MTFR1: variants seen among roughly 807,000 people sequenced by gnomAD.
MTFR1 encodes chondrocyte protein with a poly-proline region.
MTFR1 carries 28 observed loss-of-function variants against 38.8 expected under a neutral mutation model. The observed-to-expected ratio is 0.72, with a 90% CI of 0.53 to 0.99. The LOEUF is 0.99. Ranked by LOEUF, MTFR1 falls within the 50% of genes least tolerant of loss-of-function variation. MTFR1 has a pLI of 0.00. For synonymous variants in MTFR1, 145 were observed against 137.0 expected (o/e 1.06, Z -0.41); for missense variants, 358 against 395.5 (o/e 0.91, Z 0.81).
Position 65,669,886 on chromosome 8 carries a change from C to A in MTFR1, c.-67C>A. ...TTAAATTTTCAGTGTGTTTTATGGA[C>A]CATGTGCTGCTATGTATGCCTGAAG... On this transcript the variant is annotated 5_prime_UTR_variant, in exon 2 of 8. Transcript: ENST00000262146. 1 of 1,216,130 alleles carries A rather than the reference C, an allele frequency of 8.2e-7. No homozygotes were observed. Among genetic ancestry groups the A allele is most frequent in the South Asian group, 1.3e-5 (1 of 76,608 alleles). 75.3% of individuals were successfully genotyped at this position (1,216,130 alleles called of 1,614,324 possible).
At position 65,651,981 on chromosome 8, in the gene MTFR1, C is replaced by G. The variant is rs370382583; in HGVS notation, c.-81+7197C>G. Among the ~76,000 whole-genome samples the G allele has an allele frequency of 9.5e-5, 14 of 146,816 alleles. No individual in the cohort carries two copies. The South Asian group carries it at 2.8e-3, about 29-fold the overall frequency. On this transcript the variant is annotated intron_variant, in intron 1 of 7. Transcript: ENST00000262146. ...CCCTTTAATTTTTTTTTTTTTCAGA[C>G]AAGGTTTTGCTCTATCATCCAGGCC...
At chr8:65,671,200 G>A (rs896806701) in intron 2 of MTFR1, among the ~76,000 whole-genome samples, 1 of 152,016 alleles carries the variant, frequency 6.6e-6, no homozygotes. Flanking sequence ...AAATTTATTG[G>A]TATTTTCATA....
At chr8:65,713,098 C>T (rs1805997728), downstream of MTFR1, among the ~76,000 whole-genome samples, 1 of 152,216 alleles carries the variant, frequency 6.6e-6, no homozygotes, top group African/African-American at 2.4e-5. Context: ...AAACCAATTA[C>T]ATCACTGTGC....
intron 2 of MTFR1, 78 bp downstream of exon 2, chr8:65,670,096 C>A: frequency 2.5e-6 from 3 of 1,194,796 alleles, no homozygotes; most frequent in South Asian, 2.8e-5. Context: ...TGAAATAAAT[C>A]TATATATGAC....
Position 65,704,901 on chromosome 8 carries a change from C to A in MTFR1, c.489C>A (p.Thr163=). ...ALRAQIAKIV[T]QQEQQNLTAG... Reference sequence around the variant, plus strand: ...GAGCTCAGATTGCCAAAATTGTGACCCAGCAGGAGCAGCAAAATCTCACTG... The same window carrying A: ...GAGCTCAGATTGCCAAAATTGTGACACAGCAGGAGCAGCAAAATCTCACTG... The change falls in exon 5 of 8, where the codon ACC becomes ACA. Residue 163 remains threonine (T), a synonymous_variant. Coordinates refer to ENST00000262146, the MANE Select transcript of MTFR1 (RefSeq NM_014637.4). The A allele has an allele frequency of 6.2e-7, 1 of 1,601,130 alleles. No individual in the cohort carries two copies. The highest frequency in any genetic ancestry group is 8.5e-7 in the Non-Finnish European group (1 of 1,172,196).
intron 3 of MTFR1, chr8:65,719,647 G>A: frequency 1.6e-6 from 1 of 618,722 alleles, no homozygotes; most frequent in Non-Finnish European, 2.9e-6. Flanking sequence ...AGGTGACAGA[G>A]TCTGTAATGT....
chr8:65,680,427 A>AG (rs753208241), intron 2 of MTFR1, among the ~76,000 whole-genome samples: 13 of 152,144 alleles, frequency 8.5e-5, no homozygotes, highest in Non-Finnish European at 1.9e-4. Flanking sequence ...AGCCTCCCAA[A>AG]GCACTGAGAT....
At chr8:65,657,379 G>A (rs1809297372) in intron 1 of MTFR1, among the ~76,000 whole-genome samples, 1 of 152,044 alleles carries the variant, frequency 6.6e-6, no homozygotes, top group Non-Finnish European at 1.5e-5. Flanking sequence ...GTTTTGGTGA[G>A]GAAAAACCAT....
chr8:65,703,100 AAAAGG>A (rs1218373513), intron 4 of MTFR1, among the ~76,000 whole-genome samples: 1 of 152,068 alleles, frequency 6.6e-6, no homozygotes, highest in Non-Finnish European at 1.5e-5. Context: ...GAAAAAAAAA[AAAAGG>A]AAAGGAAGAA....
intron 3 of MTFR1, among the ~76,000 whole-genome samples, chr8:65,765,931 G>GA (rs1340185533): frequency 6.6e-6 from 1 of 152,108 alleles, no homozygotes; most frequent in Non-Finnish European, 1.5e-5. Context: ...ATTTAGAGCA[G>GA]AAAAGAGATG....
At chr8:65,751,826 CAT>C (rs1005370572) in intron 3 of MTFR1, among the ~76,000 whole-genome samples, 1 of 152,174 alleles carries the variant, frequency 6.6e-6, no homozygotes, top group African/African-American at 2.4e-5. Context: ...TATATAGAAA[CAT>C]ATTATTTTTC....
chr8:65,662,133 T>A (rs1809444683), intron 1 of MTFR1, among the ~76,000 whole-genome samples: 1 of 147,414 alleles, frequency 6.8e-6, no homozygotes, highest in African/African-American at 2.5e-5. Context: ...TTCCACGGTC[T>A]CCCTCTGATG....
chr8:65,718,196 A>G (rs1175403761), intron 2 of MTFR1: 1 of 152,232 alleles, frequency 6.6e-6, no homozygotes, highest in African/African-American at 2.4e-5. Flanking sequence ...ATTATGTCAC[A>G]TTCTAAAATA....
intron 3 of MTFR1, among the ~76,000 whole-genome samples, chr8:65,757,915 C>G (rs577497081): frequency 6.6e-6 from 1 of 152,350 alleles, no homozygotes; most frequent in South Asian, 2.1e-4. Context: ...CCACACCCAG[C>G]CAACTCCAAG....
intron 3 of MTFR1, chr8:65,721,885 T>G (rs2129064308): frequency 6.7e-6 from 1 of 149,480 alleles, no homozygotes; most frequent in African/African-American, 2.5e-5. Flanking sequence ...ATTGGCTCAC[T>G]GCAACCTCTG....
In MTFR1 at chr8:65,709,792, T is replaced by G. The variant is rs1270410907; in HGVS notation, c.*748T>G. 6.6e-6 allele frequency: 1 copy of G among 152,670 alleles called. No individual in the cohort carries two copies. Among genetic ancestry groups the G allele is most frequent in the African/African-American group, 2.4e-5 (1 of 41,474 alleles). 9.5% of individuals were successfully genotyped at this position (152,670 alleles called of 1,614,324 possible). A position where few individuals can be genotyped will look rare whatever the true frequency, so the allele number is the denominator to read the frequency against. Reference sequence around the variant, plus strand: ...GATGAATCAAATTATTGAATTAAATTTCTTCTTAAGAAGTAAAAACTCAGA... The same window carrying G: ...GATGAATCAAATTATTGAATTAAATGTCTTCTTAAGAAGTAAAAACTCAGA... On this transcript the variant is annotated 3_prime_UTR_variant, in exon 8 of 8. Coordinates refer to ENST00000262146, the MANE Select transcript of MTFR1 (RefSeq NM_014637.4).
chr8:65,746,216 G>T (rs1017040607), intron 3 of MTFR1, among the ~76,000 whole-genome samples: 5 of 151,562 alleles, frequency 3.3e-5, no homozygotes, highest in Admixed American at 2.6e-4. Flanking sequence ...TTACAGGCAT[G>T]AGCCACTGCA....
At chr8:65,722,286 C>A (rs759285553) in intron 3 of MTFR1, 2 of 152,294 alleles carry the variant, frequency 1.3e-5, no homozygotes, top group Admixed American at 6.5e-5. Context: ...GGCCACAGTT[C>A]TACACGCTCT....
chr8:65,733,744 G>GAT (rs1301667798), intron 3 of MTFR1, among the ~76,000 whole-genome samples: 2 of 152,106 alleles, frequency 1.3e-5, no homozygotes, highest in African/African-American at 4.8e-5. Flanking sequence ...TAAAAGTCAT[G>GAT]ATATATATAC....
Sources: allele counts gnomAD v4.1 joint callset (sites outside exome capture counted in the v4.1 genomes callset), GRCh38; gene constraint gnomAD v4.1.1; transcripts MANE v1.5; gene names NCBI Gene and HGNC (gene_info 2026-07-23, HGNC 2026-07-21).